The following LMBR1 variants were observed in gnomAD, a reference collection of about 807,000 sequenced individuals.
LMBR1 encodes limb development membrane protein 1.
A neutral mutation model predicts 73.9 loss-of-function variants in LMBR1; 52 were observed. That is an observed-to-expected ratio of 0.70 (90% CI 0.56 to 0.89). LMBR1 has a LOEUF of 0.89. LMBR1 is among the 40% of genes least tolerant of loss of function. The pLI is 0.00. For missense variants in LMBR1, 539 were observed against 579.8 expected, an observed-to-expected ratio of 0.93 and a Z score of 0.72; for synonymous variants, 215 against 209.4, an observed-to-expected ratio of 1.03 and a Z score of -0.23.
At chr7:156,887,048 A>G (rs1802022756) in intron 1 of LMBR1, among the ~76,000 whole-genome samples, 1 of 152,246 alleles carries the variant, frequency 6.6e-6, no homozygotes, top group African/African-American at 2.4e-5. Flanking sequence ...CTCAAAAGAA[A>G]GGAAATCAAT....
intron 4 of LMBR1, among the ~76,000 whole-genome samples, chr7:156,806,311 G>T (rs979122258): frequency 1.8e-4 from 27 of 152,104 alleles, no homozygotes; most frequent in Middle Eastern, 3.2e-3. Context: ...TATAATTGTT[G>T]TATATTGATC....
Position 156,672,349 on chromosome 7 carries a change from A to G in LMBR1, n.867-3062T>C, listed in dbSNP as rs73744311. Among the ~76,000 whole-genome samples, 52 of 152,268 alleles carry G rather than the reference A, an allele frequency of 3.4e-4. 1 individual carries two copies. The highest frequency in any genetic ancestry group is 1.2e-3 in the African/African-American group (51 of 41,546). ...CTGGATGCTATTACCAGCGTTAAGAACAGTCCTGGCCCCAGGACTAATAAA... is the reference window on the plus strand; with the variant it reads ...CTGGATGCTATTACCAGCGTTAAGAGCAGTCCTGGCCCCAGGACTAATAAA... On this transcript the variant is annotated intron_variant and non_coding_transcript_variant, in intron 4 of 4. Transcript: ENST00000430825.
intron 15 of LMBR1, among the ~76,000 whole-genome samples, chr7:156,708,669 C>G (rs1003943955): frequency 6.6e-6 from 1 of 152,142 alleles, no homozygotes; most frequent in Non-Finnish European, 1.5e-5. Flanking sequence ...TTTTCTTGAG[C>G]AGAATCTGGT....
At chr7:156,737,839 A>G (rs1345606424) in intron 9 of LMBR1, among the ~76,000 whole-genome samples, 1 of 152,102 alleles carries the variant, frequency 6.6e-6, no homozygotes, top group African/African-American at 2.4e-5. Context: ...TGTTTGATGC[A>G]TATGGGAGGC....
rs746035431 is a variant in LMBR1, at chr7:156,791,307, A to C, written c.423+5082T>G. On this transcript the variant is annotated intron_variant, in intron 5 of 16. Coordinates refer to ENST00000353442, the MANE Select transcript of LMBR1 (RefSeq NM_022458.4). ...ACTTCCTTAATCACTCATTTCCAACAATTTATGGATCATCAGTGGCAAAAA... is the reference window on the plus strand; with the variant it reads ...ACTTCCTTAATCACTCATTTCCAACCATTTATGGATCATCAGTGGCAAAAA... Among the ~76,000 whole-genome samples, 1 of 152,146 alleles carries C rather than the reference A, an allele frequency of 6.6e-6. No homozygotes were observed. Among genetic ancestry groups the C allele is most frequent in the Non-Finnish European group, 1.5e-5 (1 of 68,026 alleles).
At position 156,719,968 on chromosome 7, in the gene LMBR1, A is replaced by G. The variant is rs534027532; in HGVS notation, c.1225+4144T>C. ...CAAAAATTAATTCAAGATGGATTAA[A>G]GACTTAAACGTTAGACCTAAAACCA... is the stretch of plus-strand genomic sequence containing the variant. On this transcript the variant is annotated intron_variant, in intron 15 of 16. Coordinates refer to ENST00000353442, the MANE Select transcript of LMBR1 (RefSeq NM_022458.4). 1.7e-3 allele frequency among the ~76,000 whole-genome samples: 264 copies of G among 151,362 alleles called. 1 individual carries two copies. The highest frequency in any genetic ancestry group is 3.2e-3 in the Non-Finnish European group (216 of 67,684).
chr7:156,751,263 A>C (rs1276883556), intron 9 of LMBR1, among the ~76,000 whole-genome samples: 1 of 152,220 alleles, frequency 6.6e-6, no homozygotes, highest in Non-Finnish European at 1.5e-5. Context: ...GGTAGGGCTT[A>C]GTGATACAAT....
At chr7:156,704,147 C>T (rs1810401574) in intron 15 of LMBR1, among the ~76,000 whole-genome samples, 1 of 152,144 alleles carries the variant, frequency 6.6e-6, no homozygotes, top group Non-Finnish European at 1.5e-5. Context: ...CAAGAAATAG[C>T]CTGGAACTGC....
intron 1 of LMBR1, among the ~76,000 whole-genome samples, chr7:156,846,398 A>G (rs954234949): frequency 2.6e-5 from 4 of 152,184 alleles, no homozygotes; most frequent in Non-Finnish European, 4.4e-5. Context: ...TGTCTCATTA[A>G]TTAATTTAAT....
chr7:156,880,623 CAG>C lies in LMBR1; in HGVS notation c.66+12303_66+12304del, dbSNP rs1241989657. On this transcript the variant is annotated intron_variant, in intron 1 of 16. Coordinates refer to ENST00000353442, the MANE Select transcript of LMBR1 (RefSeq NM_022458.4). The stretch of plus-strand genomic sequence containing the variant: ...ATATCCATAATACCCAAGCAATTTA[CAG>C]ACTCAATGCAATCCCTATCAAAATC... Among the ~76,000 whole-genome samples, 14 of 152,170 alleles carry C rather than the reference CAG, an allele frequency of 9.2e-5. No individual in the cohort carries two copies. The South Asian group carries it at 2.9e-3, about 32-fold the overall frequency.
At chr7:156,677,095 A>C (rs1240066538), downstream of LMBR1, 1 of 156,570 alleles carries the variant, frequency 6.4e-6, no homozygotes, top group Non-Finnish European at 1.4e-5. Context: ...ATAAAATATA[A>C]AAATAAAATA....
chr7:156,868,402 A>G (rs1483296744), intron 1 of LMBR1, among the ~76,000 whole-genome samples: 1 of 152,060 alleles, frequency 6.6e-6, no homozygotes, highest in East Asian at 1.9e-4. Context: ...CAGGCCGGGC[A>G]CGGTGGCTCA....
At chr7:156,794,331 T>G (rs1410685684) in intron 5 of LMBR1, among the ~76,000 whole-genome samples, 1 of 152,232 alleles carries the variant, frequency 6.6e-6, no homozygotes, top group Non-Finnish European at 1.5e-5. Context: ...TGTACAATCG[T>G]ATGTGTGAAA....
At chr7:156,689,151 T>A (rs1806612884) in intron 15 of LMBR1, among the ~76,000 whole-genome samples, 1 of 152,124 alleles carries the variant, frequency 6.6e-6, no homozygotes, top group South Asian at 2.1e-4. Flanking sequence ...TGGAAAAAAA[T>A]ACATGAATGG....
chr7:156,696,049 C>A (rs1244042276), intron 15 of LMBR1, among the ~76,000 whole-genome samples: 1 of 152,156 alleles, frequency 6.6e-6, no homozygotes, highest in Non-Finnish European at 1.5e-5. Flanking sequence ...ATACTATATT[C>A]AAAAATTAAC....
At position 156,826,622 on chromosome 7, in the gene LMBR1, T is replaced by G; in HGVS notation, c.302A>C (p.Asn101Thr). 6.4e-7 allele frequency: 1 copy of G among 1,564,206 alleles called. No homozygotes were observed. The highest frequency in any genetic ancestry group is 8.7e-7 in the Non-Finnish European group (1 of 1,150,784). ...ATACTAACCATGAATCAGGGAGCCA[T>G]TTAGCCACTGAATATAGTAGTTCTG... ...FPQNYYIQWL[N>T]GSLIHGLWNL... Residue 101 changes from asparagine to threonine, a missense_variant, in exon 4 of 17, where the codon AAT becomes ACT. Physicochemically the swap from Asn to Thr is moderately conservative, Grantham distance 65. Transcript: ENST00000353442.
At chr7:156,772,394 T>TA (rs1486708483) in intron 5 of LMBR1, among the ~76,000 whole-genome samples, 1 of 152,098 alleles carries the variant, frequency 6.6e-6, no homozygotes, top group Admixed American at 6.5e-5. Flanking sequence ...GTGAAAATAA[T>TA]AAGAGCCATC....
intron 4 of LMBR1, among the ~76,000 whole-genome samples, chr7:156,799,633 C>T (rs368402043): frequency 5.8e-4 from 89 of 152,300 alleles, no homozygotes; most frequent in African/African-American, 2.1e-3. Flanking sequence ...TGTAATAATC[C>T]TACAATGTCC....
chr7:156,727,828 A>T (rs1358390563), intron 12 of LMBR1, 102 bp downstream of exon 12: 1 of 668,772 alleles, frequency 1.5e-6, no homozygotes, highest in Non-Finnish European at 2.5e-6. Flanking sequence ...AAGTATATAC[A>T]TGCACAAAGG....
Sources: gnomAD v4.1 joint callset for allele counts (sites outside exome capture counted in the v4.1 genomes callset) on GRCh38, gnomAD v4.1.1 for gene constraint, MANE v1.5 for transcripts, NCBI Gene and HGNC (gene_info 2026-07-23, HGNC 2026-07-21) for gene names.